The following F2 variants were observed in gnomAD, a reference collection of about 807,000 sequenced individuals.
F2 encodes the protein prothrombin.
In F2, 34 loss-of-function variants were observed where a neutral mutation model predicts 81.9. That is an observed-to-expected ratio of 0.42 (90% CI 0.32 to 0.55). The LOEUF is 0.55. Ranked by LOEUF, F2 falls within the 20% of genes least tolerant of loss-of-function variation. F2 has a pLI of 0.18. For synonymous variants in F2, 296 were observed against 326.4 expected, an observed-to-expected ratio of 0.91 and a Z score of 1.01; for missense variants, 630 against 833.4, an observed-to-expected ratio of 0.76 and a Z score of 3.00.
chr11:46,737,151 C>CT (rs1271148259), intron 12 of F2, among the ~76,000 whole-genome samples: 2 of 151,126 alleles, frequency 1.3e-5, no homozygotes, highest in South Asian at 2.1e-4. Context: ...TATTATTTTT[C>CT]TTTTTTTTGA....
intron 12 of F2, among the ~76,000 whole-genome samples, chr11:46,735,836 C>T (rs975965115): frequency 2.7e-5 from 4 of 150,074 alleles, no homozygotes; most frequent in Non-Finnish European, 4.4e-5. Flanking sequence ...GCAGGAGAAT[C>T]GCTTGAACCT....
At chr11:46,724,715 G>A (rs955207442) in intron 6 of F2, among the ~76,000 whole-genome samples, 2 of 151,924 alleles carry the variant, frequency 1.3e-5, no homozygotes, top group South Asian at 2.1e-4. Flanking sequence ...ATGGGTTAGT[G>A]TTTGTTCTCT....
chr11:46,720,318 C>G (rs543451812), intron 2 of F2: 1 of 634,904 alleles, frequency 1.6e-6, no homozygotes, highest in East Asian at 2.8e-5. Flanking sequence ...CTTTCAGTCT[C>G]GGTGTGTGTG....
In F2 at chr11:46,719,441, C is replaced by T; in HGVS notation, c.79+127C>T. On this transcript the variant is annotated intron_variant, in intron 1 of 13. Coordinates refer to ENST00000311907, the MANE Select transcript of F2 (RefSeq NM_000506.5). The surrounding 1 kb of genome is among the most constrained non-coding windows in gnomAD (Gnocchi z 4.7). Reference sequence around the variant, plus strand: ...GTAGGTCTCAGCCCCAGGCGGCCAGCTTAGGGAAGAAGTCAGGAGCTCAGG... The same window carrying T: ...GTAGGTCTCAGCCCCAGGCGGCCAGTTTAGGGAAGAAGTCAGGAGCTCAGG... 1 of 1,169,796 alleles carries T rather than the reference C, an allele frequency of 8.5e-7. No individual in the cohort carries two copies. The highest frequency in any genetic ancestry group is 1.2e-6 in the Non-Finnish European group (1 of 807,844). 72.5% of individuals were successfully genotyped at this position (1,169,796 alleles called of 1,614,324 possible).
chr11:46,720,737 GC>G, intron 3 of F2, 52 bp from the exon 4 acceptor site: 1 of 1,603,014 alleles, frequency 6.2e-7, no homozygotes, highest in Non-Finnish European at 8.5e-7. Flanking sequence ...CCTGACTCCA[GC>G]TCATCCTGGC....
chr11:46,737,597 C>T (rs1038811789), intron 12 of F2, among the ~76,000 whole-genome samples: 21 of 151,364 alleles, frequency 1.4e-4, no homozygotes, highest in Non-Finnish European at 2.9e-4. Flanking sequence ...TACACTGCCA[C>T]GCCCAGCTAA....
In F2 at chr11:46,719,483, C is replaced by A; in HGVS notation, c.79+169C>A. On this transcript the variant is annotated intron_variant, in intron 1 of 13. Transcript: ENST00000311907. This position sits in a 1 kb window ranked among gnomAD's most constrained non-coding sequence, Gnocchi z 4.7. ...GAGCTCAGGGCTGGAAAGAGAATGG[C>A]TGCTTCTCTCTTCCAATATAGGGAG... 2.1e-6 allele frequency: 2 copies of A among 966,466 alleles called. No homozygotes were observed. The highest frequency in any genetic ancestry group is 1.6e-6 in the Non-Finnish European group (1 of 630,672). 59.9% of individuals were successfully genotyped at this position (966,466 alleles called of 1,614,324 possible). A position where few individuals can be genotyped will look rare whatever the true frequency, so the allele number is the denominator to read the frequency against.
Position 46,719,728 on chromosome 11 carries a change from T to C in F2, c.106T>C (p.Ser36Pro). ...GTTCCTGGCTCCTCAGCAAGCACGG[T>C]CGCTGCTCCAGCGGGTCCGGCGAGC... ...HVFLAPQQAR[S>P]LLQRVRRANT... Residue 36 changes from serine to proline, a missense_variant, in exon 2 of 14, where the codon TCG becomes CCG. Transcript: ENST00000311907. The surrounding 1 kb of genome is among the most constrained non-coding windows in gnomAD (Gnocchi z 4.7). 6.3e-7 allele frequency: 1 copy of C among 1,594,846 alleles called. No homozygotes were observed.
chr11:46,719,385 G>C lies in F2; in HGVS notation c.79+71G>C, dbSNP rs1472234628. ...TGGGCCCATGGGCTGGGGTCTCCTGGCTGGACAGAGCACACAGAGCTGGCC... is the reference window on the plus strand; with the variant it reads ...TGGGCCCATGGGCTGGGGTCTCCTGCCTGGACAGAGCACACAGAGCTGGCC... On this transcript the variant is annotated intron_variant, in intron 1 of 13. Coordinates refer to ENST00000311907, the MANE Select transcript of F2 (RefSeq NM_000506.5). The surrounding 1 kb of genome is among the most constrained non-coding windows in gnomAD (Gnocchi z 4.7). The C allele has an allele frequency of 5.9e-6, 9 of 1,520,380 alleles. No homozygotes were observed. Among genetic ancestry groups the C allele is most frequent in the African/African-American group, 1.4e-5 (1 of 72,790 alleles). The allele number at this position is 1,520,380 out of a possible 1,614,324, so 94.2% of individuals were successfully genotyped here.
At position 46,727,684 on chromosome 11, in the gene F2, G is replaced by A. The variant is rs3136467; in HGVS notation, c.1131-312G>A. 0.066 allele frequency among the ~76,000 whole-genome samples: 10,092 copies of A among 152,134 alleles called. 387 individuals carry two copies. Among genetic ancestry groups the A allele is most frequent in the Non-Finnish European group, 0.09 (6,101 of 67,962 alleles). On this transcript the variant is annotated intron_variant, in intron 9 of 13. Transcript: ENST00000311907. The stretch of plus-strand genomic sequence containing the variant: ...TCCCAGCTACTAAGGAGGCTGAGGC[G>A]GGAGGATCGCCTGAGCCCAGGAGGC...
intron 12 of F2, among the ~76,000 whole-genome samples, chr11:46,736,840 C>G (rs1013022950): frequency 6.6e-6 from 1 of 152,116 alleles, no homozygotes; most frequent in African/African-American, 2.4e-5. Flanking sequence ...ATGCCTAGGT[C>G]TATAAAAAAG....
At position 46,729,396 on chromosome 11, in the gene F2, T is replaced by C; in HGVS notation, c.1489T>C (p.Tyr497His). 6 of 1,613,976 alleles carry C rather than the reference T, an allele frequency of 3.7e-6. No homozygotes were observed. Among genetic ancestry groups the C allele is most frequent in the Non-Finnish European group, 5.1e-6 (6 of 1,179,972 alleles). ...TCCCCAAAGCTTGCTCCAGGCTGGA[T>C]ACAAGGGGCGGGTGACAGGCTGGGG... ...ETAASLLQAG[Y>H]KGRVTGWGNL... The change falls in exon 12 of 14, where the codon TAC (tyrosine) becomes CAC (histidine). Residue 497 changes from tyrosine (Y) to histidine (H), a missense_variant. By Grantham distance (83) the Tyr-to-His change is moderately conservative (BLOSUM62 2). Coordinates refer to ENST00000311907, the MANE Select transcript of F2 (RefSeq NM_000506.5).
At chr11:46,734,105 A>AT (rs200314925) in intron 12 of F2, among the ~76,000 whole-genome samples, 23 of 136,878 alleles carry the variant, frequency 1.7e-4, no homozygotes, top group Admixed American at 6.6e-4. Context: ...TTTTTATATA[A>AT]TTTTTTTTTT....
chr11:46,723,176 G>A lies in F2; in HGVS notation c.317-4G>A, dbSNP rs375713715. 6.3e-5 allele frequency: 101 copies of A among 1,613,724 alleles called. No individual in the cohort carries two copies. Among genetic ancestry groups the A allele is most frequent in the African/African-American group, 1.3e-4 (10 of 75,018 alleles). ...CAAGGCTGACCGGGGTGGGGTCTCC[G>A]CAGGTAACTGTGCTGAGGGTCTGGG... On this transcript the variant is annotated splice_polypyrimidine_tract_variant and splice_region_variant and intron_variant, in intron 4 of 13. Transcript: ENST00000311907. The surrounding 1 kb of genome is among the most constrained non-coding windows in gnomAD (Gnocchi z 5.6).
At chr11:46,729,315 G>T in intron 11 of F2, 65 bp from the exon 12 acceptor site, 1 of 1,548,280 alleles carries the variant, frequency 6.5e-7, no homozygotes, top group South Asian at 1.1e-5. Context: ...TCTAAGAAAT[G>T]GCGTTGGGGC....
chr11:46,728,269 C>T lies in F2; in HGVS notation c.1298+106C>T, dbSNP rs2064889213. Reference sequence around the variant, plus strand: ...GACACATAGGATGTTCTGTATACCCCCCAGAATATAACATCCCAGCAGTCT... The same window carrying T: ...GACACATAGGATGTTCTGTATACCCTCCAGAATATAACATCCCAGCAGTCT... On this transcript the variant is annotated intron_variant, in intron 10 of 13. Transcript: ENST00000311907. This position sits in a 1 kb window ranked among gnomAD's most constrained non-coding sequence, Gnocchi z 5.1. 32 of 1,227,358 alleles carry T rather than the reference C, an allele frequency of 2.6e-5. No homozygotes were observed. The highest frequency in any genetic ancestry group is 3.5e-5 in the Non-Finnish European group (30 of 857,674). 76.0% of individuals were successfully genotyped at this position (1,227,358 alleles called of 1,614,324 possible). A position where few individuals can be genotyped will look rare whatever the true frequency, so the allele number is the denominator to read the frequency against.
Position 46,724,460 on chromosome 11 carries a change from C to T in F2, c.559+942C>T, listed in dbSNP as rs567441993. Among the ~76,000 whole-genome samples the T allele has an allele frequency of 1.1e-4, 17 of 152,250 alleles. No homozygotes were observed. In the South Asian group the frequency reaches 2.9e-3, roughly 26 times the overall value. ...TGGGGCTGAGGCTGAAAGAAGGTAC[C>T]TGGGAAAACTCTTCTTATGCTGATG... On this transcript the variant is annotated intron_variant, in intron 6 of 13. Coordinates refer to ENST00000311907, the MANE Select transcript of F2 (RefSeq NM_000506.5).
chr11:46,725,441 C>A (rs773779863), intron 6 of F2, among the ~76,000 whole-genome samples: 1 of 152,116 alleles, frequency 6.6e-6, no homozygotes. Flanking sequence ...CCCATACACA[C>A]GCACACACAT....
chr11:46,738,984 C>T (rs1044283320), intron 12 of F2, 64 bp from the exon 13 acceptor site: 8 of 1,551,728 alleles, frequency 5.2e-6, no homozygotes, highest in East Asian at 2.2e-5. Context: ...AGCTGTGTCT[C>T]GTGAAGGGGC....
Sources: allele counts gnomAD v4.1 joint callset (sites outside exome capture counted in the v4.1 genomes callset), GRCh38; gene constraint gnomAD v4.1.1; non-coding constraint Gnocchi (gnomAD v3.1); transcripts MANE v1.5; gene names NCBI Gene and HGNC (gene_info 2026-07-23, HGNC 2026-07-21).